Variants in MYO1E observed in about 807,000 individuals in gnomAD.
MYO1E encodes unconventional myosin-Ie.
Under a neutral mutation model 151.1 loss-of-function variants are expected in MYO1E, and 68 were observed. The observed-to-expected ratio is 0.45, with a 90% CI of 0.37 to 0.55. MYO1E has a LOEUF of 0.55. Ranked by LOEUF, MYO1E falls within the 20% of genes least tolerant of loss-of-function variation. MYO1E has a pLI of 0.00. For synonymous variants in MYO1E, 601 were observed against 501.7 expected, an observed-to-expected ratio of 1.20 and a Z score of -2.64; for missense variants, 1,363 against 1,389.3, an observed-to-expected ratio of 0.98 and a Z score of 0.30.
chr15:59,162,660 A>AG (rs1491136913), intron 23 of MYO1E, among the ~76,000 whole-genome samples: 1,289 of 61,590 alleles, frequency 0.021, 21 homozygotes, highest in African/African-American at 0.059. Flanking sequence ...AAAAAAAAAG[A>AG]AAAAAAAAAA....
At chr15:59,252,159 A>G (rs2080168683) in intron 4 of MYO1E, among the ~76,000 whole-genome samples, 1 of 152,136 alleles carries the variant, frequency 6.6e-6, no homozygotes, top group Non-Finnish European at 1.5e-5. Flanking sequence ...TTTCAACTTC[A>G]TTTTTCTCTT....
At chr15:59,303,091 C>T (rs981226471) in intron 1 of MYO1E, among the ~76,000 whole-genome samples, 2 of 152,196 alleles carry the variant, frequency 1.3e-5, no homozygotes, top group Admixed American at 6.5e-5. Flanking sequence ...TTTGAGAAGC[C>T]AGCTTGGCAG....
chr15:59,321,560 C>T (rs1236331744), intron 1 of MYO1E, among the ~76,000 whole-genome samples: 1 of 152,146 alleles, frequency 6.6e-6, no homozygotes, highest in African/African-American at 2.4e-5. Flanking sequence ...GGGCTATTAT[C>T]ATAAGCAAAT....
At chr15:59,284,382 T>C (rs1459402211) in intron 1 of MYO1E, among the ~76,000 whole-genome samples, 1 of 152,232 alleles carries the variant, frequency 6.6e-6, no homozygotes, top group Non-Finnish European at 1.5e-5. Context: ...CAGTTCTCCT[T>C]CTCTTAACCA....
At chr15:59,308,612 C>T (rs1239821481) in intron 1 of MYO1E, among the ~76,000 whole-genome samples, 2 of 149,246 alleles carry the variant, frequency 1.3e-5, no homozygotes, top group African/African-American at 2.5e-5. Flanking sequence ...GTGGAGGTTG[C>T]AGTGAGCCGA....
intron 4 of MYO1E, among the ~76,000 whole-genome samples, chr15:59,254,948 C>T (rs185522155): frequency 7.2e-4 from 110 of 152,184 alleles, no homozygotes; most frequent in Middle Eastern, 3.4e-3. Context: ...GCCTCAGCCT[C>T]CTGAGTATCT....
intron 1 of MYO1E, among the ~76,000 whole-genome samples, chr15:59,288,746 G>C (rs1298814123): frequency 6.7e-6 from 1 of 148,400 alleles, no homozygotes; most frequent in Non-Finnish European, 1.5e-5. Flanking sequence ...CTCAAGTGAT[G>C]TATAACTGGA....
intron 1 of MYO1E, among the ~76,000 whole-genome samples, chr15:59,319,006 G>T (rs1174463291): frequency 6.6e-6 from 1 of 152,190 alleles, no homozygotes; most frequent in Non-Finnish European, 1.5e-5. Flanking sequence ...ATGGGTAAGT[G>T]TCATTTTAAA....
At chr15:59,216,670 A>ATATATATATACATG (rs2079918822) in intron 10 of MYO1E, among the ~76,000 whole-genome samples, 1 of 11,682 alleles carries the variant, frequency 8.6e-5, no homozygotes, top group Non-Finnish European at 4.7e-4. Flanking sequence ...GTATGTGTAT[A>ATATATATATACATG]TATATATATA....
At chr15:59,237,568 A>T (rs561679426) in intron 4 of MYO1E, among the ~76,000 whole-genome samples, 1 of 152,212 alleles carries the variant, frequency 6.6e-6, no homozygotes, top group Non-Finnish European at 1.5e-5. Flanking sequence ...AAAGAACCCC[A>T]TATCATATAA....
At chr15:59,364,076 C>T (rs1162793831) in intron 1 of MYO1E, among the ~76,000 whole-genome samples, 1 of 152,218 alleles carries the variant, frequency 6.6e-6, no homozygotes, top group Non-Finnish European at 1.5e-5. Context: ...CCATGCCCAG[C>T]TCTAATTCAC....
chr15:59,238,442 C>A (rs1360487519), intron 4 of MYO1E, among the ~76,000 whole-genome samples: 1 of 152,076 alleles, frequency 6.6e-6, no homozygotes, highest in Non-Finnish European at 1.5e-5. Flanking sequence ...GATAATGCAG[C>A]CTAAGTTAAG....
At chr15:59,261,589 G>A in intron 2 of MYO1E, 80 bp from the exon 3 acceptor site, 3 of 935,358 alleles carry the variant, frequency 3.2e-6, no homozygotes, top group Non-Finnish European at 5.2e-6. Context: ...ATGTTATCAA[G>A]AATTCACAAT....
rs183808299 is a variant in MYO1E, at chr15:59,288,801, G to A, written c.4-16352C>T. Among the ~76,000 whole-genome samples, 33 of 152,284 alleles carry A rather than the reference G, an allele frequency of 2.2e-4. 1 individual carries two copies. In the South Asian group the frequency reaches 6.8e-3, roughly 32 times the overall value. ...TTTGAATATGGGATTCTGAGAATAG[G>A]GATCCGCCACAGAAAAGAAGACGAC... On this transcript the variant is annotated intron_variant, in intron 1 of 27. Coordinates refer to ENST00000288235, the MANE Select transcript of MYO1E (RefSeq NM_004998.4).
intron 12 of MYO1E, 75 bp from the exon 13 acceptor site, chr15:59,210,675 CA>C: frequency 1.0e-6 from 1 of 993,850 alleles, no homozygotes; most frequent in Non-Finnish European, 1.6e-6. Flanking sequence ...CCTGAATGGA[CA>C]AAAATTCCCA....
rs765063960 is a variant in MYO1E at position 59,261,433 on chromosome 15, A to G, written c.224T>C (p.Met75Thr). The change falls in exon 3 of 28, where the codon ATG becomes ACG. Residue 75 changes from methionine (M) to threonine (T), a missense_variant. Transcript: ENST00000288235. The part of the protein sequence containing the change: ...MPYFGEKEIE[M>T]YQGAAQYENP... The stretch of plus-strand genomic sequence containing the variant: ...CACGTAACTTACCGCTCCTTGGTAC[A>G]TTTCAATTTCCTTTTCCCCAAAATA... 1.2e-6 allele frequency: 2 copies of G among 1,608,026 alleles called. No homozygotes were observed. Among genetic ancestry groups the G allele is most frequent in the East Asian group, 2.2e-5 (1 of 44,770 alleles).
At chr15:59,336,802 T>G (rs2080731796) in intron 1 of MYO1E, among the ~76,000 whole-genome samples, 1 of 151,376 alleles carries the variant, frequency 6.6e-6, no homozygotes, top group Non-Finnish European at 1.5e-5. Context: ...GTCCACGTGT[T>G]CTCATTGTTC....
chr15:59,325,545 C>G (rs780322627), intron 1 of MYO1E, among the ~76,000 whole-genome samples: 33 of 152,176 alleles, frequency 2.2e-4, no homozygotes, highest in Non-Finnish European at 3.8e-4. Context: ...TTTGATAGTG[C>G]AATCCAATAA....
At chr15:59,244,125 A>G (rs902912780) in intron 4 of MYO1E, among the ~76,000 whole-genome samples, 3 of 152,278 alleles carry the variant, frequency 2.0e-5, no homozygotes, top group Non-Finnish European at 4.4e-5. Context: ...GATTGAGGAA[A>G]GTGTGAATAA....
Sources: gnomAD v4.1 joint callset for allele counts (sites outside exome capture counted in the v4.1 genomes callset) on GRCh38, gnomAD v4.1.1 for gene constraint, MANE v1.5 for transcripts, NCBI Gene and HGNC (gene_info 2026-07-23, HGNC 2026-07-21) for gene names.